The following CCDC158 variants were observed in gnomAD, a reference collection of about 807,000 sequenced individuals.
CCDC158 encodes the protein coiled-coil domain-containing protein 158.
Under a neutral mutation model 138.6 loss-of-function variants are expected in CCDC158, and 116 were observed. The observed-to-expected ratio is 0.84, with a 90% CI of 0.72 to 0.98. The LOEUF (loss-of-function observed/expected upper bound fraction) is 0.98, where lower values mean the gene tolerates loss of function less well. CCDC158 is among the 50% of genes least tolerant of loss of function. The pLI is 0.00. For synonymous variants in CCDC158, 436 were observed against 442.4 expected, an observed-to-expected ratio of 0.99 and a Z score of 0.18; for missense variants, 1,265 against 1,306.1, an observed-to-expected ratio of 0.97 and a Z score of 0.48.
At chr4:76,319,053 T>A (rs4859666) in intron 24 of CCDC158, among the ~76,000 whole-genome samples, 93,027 of 151,328 alleles carry the variant, frequency 0.61, 28,928 homozygotes, top group East Asian at 0.78. Flanking sequence ...TGGGCAGATC[T>A]TGAGGTCAGG....
intron 10 of CCDC158, among the ~76,000 whole-genome samples, 184 bp downstream of exon 10, chr4:76,371,233 A>G (rs1401624124): frequency 6.6e-6 from 1 of 152,244 alleles, no homozygotes; most frequent in Non-Finnish European, 1.5e-5. Flanking sequence ...TTAAGAAAAA[A>G]GTTAAGTATA....
rs200004204 is a variant in CCDC158 at position 76,332,523 on chromosome 4, T to C, written c.2823-32A>G. On this transcript the variant is annotated intron_variant, in intron 19 of 24. Coordinates refer to ENST00000682701, the MANE Select transcript of CCDC158 (RefSeq NM_001394954.1). ...AGAAAATATAACTCTCAGTTAATCATATAAAGCACAATTTCATCCATGTCT... is the reference window on the plus strand; with the variant it reads ...AGAAAATATAACTCTCAGTTAATCACATAAAGCACAATTTCATCCATGTCT... 79 of 1,485,520 alleles carry C rather than the reference T, an allele frequency of 5.3e-5. No individual in the cohort carries two copies. The East Asian group carries it at 1.5e-3, about 28-fold the overall frequency. The allele number at this position is 1,485,520 out of a possible 1,614,324, so 92.0% of individuals were successfully genotyped here. A position where few individuals can be genotyped will look rare whatever the true frequency, so the allele number is the denominator to read the frequency against.
chr4:76,373,857 T>C (rs984471948), intron 9 of CCDC158, among the ~76,000 whole-genome samples: 9 of 152,202 alleles, frequency 5.9e-5, no homozygotes, highest in African/African-American at 2.2e-4. Context: ...AAATATTAGA[T>C]CACTGTCTAA....
At position 76,383,332 on chromosome 4, in the gene CCDC158, A is replaced by G. The variant is rs983062960; in HGVS notation, c.803+330T>C. ...TTTAGCAAGAATCCCCCTACTCTTG[A>G]TGCCTTTTCTCAGTAATTTTCCATC... On this transcript the variant is annotated intron_variant, in intron 7 of 24. Coordinates refer to ENST00000682701, the MANE Select transcript of CCDC158 (RefSeq NM_001394954.1). 3.3e-5 allele frequency among the ~76,000 whole-genome samples: 5 copies of G among 152,114 alleles called. No homozygotes were observed. In the East Asian group the frequency reaches 9.7e-4, roughly 29 times the overall value.
chr4:76,329,228 C>A (rs1720800658), intron 21 of CCDC158, among the ~76,000 whole-genome samples: 1 of 152,136 alleles, frequency 6.6e-6, no homozygotes, highest in East Asian at 1.9e-4. Flanking sequence ...ATACTAATAG[C>A]TATAAAATCC....
At chr4:76,419,025 G>A (rs1258223960) in intron 1 of CCDC158, among the ~76,000 whole-genome samples, 1 of 152,120 alleles carries the variant, frequency 6.6e-6, no homozygotes, top group Non-Finnish European at 1.5e-5. Flanking sequence ...ATCCCCAGGT[G>A]TCTGCAACTC....
At chr4:76,392,352 A>G (rs1727393691) in intron 4 of CCDC158, among the ~76,000 whole-genome samples, 1 of 152,128 alleles carries the variant, frequency 6.6e-6, no homozygotes, top group Admixed American at 6.5e-5. Context: ...CATCATATCA[A>G]CAGAATGAAA....
At chr4:76,360,762 G>A (rs1355344648) in intron 13 of CCDC158, among the ~76,000 whole-genome samples, 2 of 152,182 alleles carry the variant, frequency 1.3e-5, no homozygotes, top group African/African-American at 4.8e-5. Flanking sequence ...TTATTTTATA[G>A]GCTCATAGGT....
chr4:76,314,781 C>T (rs1321580449), intron 24 of CCDC158, among the ~76,000 whole-genome samples: 5 of 152,252 alleles, frequency 3.3e-5, no homozygotes, highest in South Asian at 2.1e-4. Flanking sequence ...CAGGGGCCCT[C>T]GGGAAAGGTG....
At chr4:76,320,241 T>C (rs1231049942) in intron 24 of CCDC158, among the ~76,000 whole-genome samples, 1 of 152,092 alleles carries the variant, frequency 6.6e-6, no homozygotes, top group Non-Finnish European at 1.5e-5. Context: ...ACCAAGGAGA[T>C]GAACAATCGC....
intron 2 of CCDC158, among the ~76,000 whole-genome samples, chr4:76,409,613 T>C (rs567039375): frequency 5.9e-5 from 9 of 152,068 alleles, no homozygotes; most frequent in African/African-American, 1.9e-4. Context: ...AGGCGGATCA[T>C]GCGGTCAGGA....
intron 23 of CCDC158, 151 bp from the exon 24 acceptor site, chr4:76,323,560 A>T (rs1458894106): frequency 1.8e-6 from 1 of 550,302 alleles, no homozygotes; most frequent in Non-Finnish European, 3.2e-6. Context: ...CTTAAAGGAA[A>T]CTCTAAAACA....
At chr4:76,413,416 A>G (rs1311502833) in intron 1 of CCDC158, among the ~76,000 whole-genome samples, 1 of 150,466 alleles carries the variant, frequency 6.6e-6, no homozygotes, top group Non-Finnish European at 1.5e-5. Context: ...TTGAGGCTGC[A>G]GTGAGCCGTG....
At position 76,332,511 on chromosome 4, in the gene CCDC158, C is replaced by A; in HGVS notation, c.2823-20G>T. The A allele has an allele frequency of 6.4e-7, 1 of 1,553,220 alleles. No individual in the cohort carries two copies. The highest frequency in any genetic ancestry group is 1.2e-5 in the South Asian group (1 of 85,378). On this transcript the variant is annotated intron_variant, in intron 19 of 24. Coordinates refer to ENST00000682701, the MANE Select transcript of CCDC158 (RefSeq NM_001394954.1). ...TCCTCTCTGTATAGAAAATATAACT[C>A]TCAGTTAATCATATAAAGCACAATT... is the stretch of plus-strand genomic sequence containing the variant.
chr4:76,330,788 T>C (rs1720937432), intron 21 of CCDC158, among the ~76,000 whole-genome samples: 1 of 152,152 alleles, frequency 6.6e-6, no homozygotes, highest in Non-Finnish European at 1.5e-5. Context: ...TGCCATTTTA[T>C]ATAAGGGACT....
In CCDC158 at chr4:76,407,793, T is replaced by C. The variant is rs564209187; in HGVS notation, c.-74+4297A>G. ...GAATCTAAGATCAAGGTAAGCAGAA[T>C]TGAAAATAGGAGTTAGAGAGTAGAG... On this transcript the variant is annotated intron_variant, in intron 2 of 24. Transcript: ENST00000682701. Among the ~76,000 whole-genome samples the C allele has an allele frequency of 7.2e-5, 11 of 152,204 alleles. No individual in the cohort carries two copies. In the East Asian group the frequency reaches 1.4e-3, roughly 19 times the overall value.
chr4:76,337,858 A>T (rs944019688), intron 18 of CCDC158, among the ~76,000 whole-genome samples: 1 of 152,214 alleles, frequency 6.6e-6, no homozygotes, highest in African/African-American at 2.4e-5. Context: ...CCAACAAAGG[A>T]TCCTGCTCTC....
chr4:76,343,333 T>C (rs1722236771), intron 18 of CCDC158, among the ~76,000 whole-genome samples: 1 of 152,174 alleles, frequency 6.6e-6, no homozygotes, highest in Non-Finnish European at 1.5e-5. Context: ...TGAAAAGCCC[T>C]GACAACCTTA....
rs2110240046 is a variant in CCDC158, at chr4:76,368,014, A to C, written c.1348-238T>G. On this transcript the variant is annotated intron_variant, in intron 11 of 24. Transcript: ENST00000682701. Reference sequence around the variant, plus strand: ...CCAAAGTGCTGGGATTTCAGGGATGAGCCACTGTACCCAGCCATGTCTAGT... The same window carrying C: ...CCAAAGTGCTGGGATTTCAGGGATGCGCCACTGTACCCAGCCATGTCTAGT... Among the ~76,000 whole-genome samples, 2 of 152,082 alleles carry C rather than the reference A, an allele frequency of 1.3e-5. 1 individual carries two copies. Among genetic ancestry groups the C allele is most frequent in the South Asian group, 4.2e-4 (2 of 4,806 alleles).
Sources: allele counts gnomAD v4.1 joint callset (sites outside exome capture counted in the v4.1 genomes callset), GRCh38; gene constraint gnomAD v4.1.1; transcripts MANE v1.5; gene names NCBI Gene and HGNC (gene_info 2026-07-23, HGNC 2026-07-21).